Variants in SLC38A1 observed in about 807,000 individuals in gnomAD.
SLC38A1 encodes the protein solute carrier family 38 member 1.
A neutral mutation model predicts 60.3 loss-of-function variants in SLC38A1; 18 were observed. The ratio of observed to expected loss-of-function variants is 0.30; its 90% CI spans 0.21 to 0.44. SLC38A1 has a LOEUF of 0.44. SLC38A1 is among the 20% of genes least tolerant of loss of function. The probability of loss-of-function intolerance (pLI) is 1.00; values close to 1 mark genes in which losing one functional copy is unlikely to be tolerated. For missense variants in SLC38A1, 448 were observed against 587.2 expected (o/e 0.76, Z 2.45); for synonymous variants, 196 against 212.1 (o/e 0.92, Z 0.66).
chr12:46,190,790 T>C (rs1939113985), intron 16 of SLC38A1, among the ~76,000 whole-genome samples: 1 of 152,200 alleles, frequency 6.6e-6, no homozygotes, highest in Non-Finnish European at 1.5e-5. Flanking sequence ...GTTGCTTTTT[T>C]CTTGTAAATT....
At chr12:46,198,959 T>C (rs528504532) in intron 13 of SLC38A1, among the ~76,000 whole-genome samples, 1 of 152,322 alleles carries the variant, frequency 6.6e-6, no homozygotes, top group Non-Finnish European at 1.5e-5. Flanking sequence ...AAGTAATCAC[T>C]GGAAGAAGCT....
At chr12:46,264,241 C>T (rs987220513) in intron 1 of SLC38A1, among the ~76,000 whole-genome samples, 9 of 152,214 alleles carry the variant, frequency 5.9e-5, no homozygotes, top group African/African-American at 1.9e-4. Context: ...ACTTTCTCAG[C>T]TCTGCTCTCA....
intron 3 of SLC38A1, 40 bp downstream of exon 3, chr12:46,239,639 T>A (rs775146996): frequency 5.0e-5 from 80 of 1,610,074 alleles, no homozygotes; most frequent in Non-Finnish European, 6.5e-5. Flanking sequence ...CACGAGCCAT[T>A]TCTTTCACTG....
chr12:46,199,498 T>C (rs1939551176), intron 13 of SLC38A1, among the ~76,000 whole-genome samples: 1 of 151,664 alleles, frequency 6.6e-6, no homozygotes, highest in Admixed American at 6.6e-5. Context: ...TACAGGCATG[T>C]GCCACCATGC....
At chr12:46,234,499 C>G (rs1241513758) in intron 3 of SLC38A1, among the ~76,000 whole-genome samples, 3 of 148,414 alleles carry the variant, frequency 2.0e-5, no homozygotes, top group African/African-American at 7.6e-5. Context: ...CCAGGCCGGA[C>G]TGCAGTGGCG....
At chr12:46,201,812 AT>A (rs1490305752) in intron 12 of SLC38A1, among the ~76,000 whole-genome samples, 5 of 151,152 alleles carry the variant, frequency 3.3e-5, no homozygotes, top group African/African-American at 1.2e-4. Context: ...CAACACTTGT[AT>A]TCAATAAATA....
Position 46,203,026 on chromosome 12 carries a change from A to G in SLC38A1, c.886T>C (p.Tyr296His). ...FVCHPSVLPI[Y>H]SELKDRSQKK... Reference sequence around the variant, plus strand: ...ATTTCTTACTCTTTAAGCTCACTGTAAATTGGCAGGACTGACGGGTGGCAA... The same window carrying G: ...ATTTCTTACTCTTTAAGCTCACTGTGAATTGGCAGGACTGACGGGTGGCAA... The change falls in exon 12 of 17, where the codon TAC becomes CAC. Residue 296 changes from tyrosine (Y) to histidine (H), a missense_variant. By Grantham distance (83) the Tyr-to-His change is moderately conservative (BLOSUM62 2). Coordinates refer to ENST00000398637, the MANE Select transcript of SLC38A1 (RefSeq NM_030674.4). 1.2e-6 allele frequency: 2 copies of G among 1,613,810 alleles called. No homozygotes were observed. Among genetic ancestry groups the G allele is most frequent in the Non-Finnish European group, 1.7e-6 (2 of 1,179,760 alleles).
chr12:46,212,069 C>G (rs1476485091), intron 5 of SLC38A1, among the ~76,000 whole-genome samples: 1 of 152,150 alleles, frequency 6.6e-6, no homozygotes, highest in Non-Finnish European at 1.5e-5. Flanking sequence ...CTAATTGACT[C>G]TAATAGAACC....
Position 46,186,089 on chromosome 12 carries a change from A to G in SLC38A1, c.*2881T>C, listed in dbSNP as rs1157294102. On this transcript the variant is annotated 3_prime_UTR_variant, in exon 17 of 17. Transcript: ENST00000398637. Reference sequence around the variant, plus strand: ...TTCCAGCTGCTCTAGGGGCCTAACCACCATGGATAACCTGGTCTCTAAAGG... The same window carrying G: ...TTCCAGCTGCTCTAGGGGCCTAACCGCCATGGATAACCTGGTCTCTAAAGG... 6.6e-6 allele frequency: 1 copy of G among 152,142 alleles called. No individual in the cohort carries two copies. The highest frequency in any genetic ancestry group is 2.4e-5 in the African/African-American group (1 of 41,426). 9.4% of individuals were successfully genotyped at this position (152,142 alleles called of 1,614,324 possible).
chr12:46,187,009 T>C lies in SLC38A1; in HGVS notation c.*1961A>G, dbSNP rs1592284790. On this transcript the variant is annotated 3_prime_UTR_variant, in exon 17 of 17. Coordinates refer to ENST00000398637, the MANE Select transcript of SLC38A1 (RefSeq NM_030674.4). ...CATTGCTAATATAATATGGAAAACA[T>C]TGCTGAAAAGAACAGAGATGGCCAT... 1 of 152,322 alleles carries C rather than the reference T, an allele frequency of 6.6e-6. No individual in the cohort carries two copies. Among genetic ancestry groups the C allele is most frequent in the African/African-American group, 2.4e-5 (1 of 41,582 alleles). The allele number at this position is 152,322 out of a possible 1,614,324, so 9.4% of individuals were successfully genotyped here. A position where few individuals can be genotyped will look rare whatever the true frequency, so the allele number is the denominator to read the frequency against.
chr12:46,204,674 T>C, intron 9 of SLC38A1, 84 bp from the exon 10 acceptor site: 1 of 1,022,706 alleles, frequency 9.8e-7, no homozygotes, highest in Admixed American at 2.5e-5. Context: ...ACTGTTATTA[T>C]TTCAAAATTC....
At chr12:46,218,327 T>A (rs1039578916) in intron 5 of SLC38A1, among the ~76,000 whole-genome samples, 11 of 152,076 alleles carry the variant, frequency 7.2e-5, no homozygotes, top group Non-Finnish European at 1.6e-4. Context: ...ATTCTAAAGA[T>A]GTTAACTCTT....
intron 5 of SLC38A1, among the ~76,000 whole-genome samples, chr12:46,221,548 C>T (rs1940659356): frequency 6.6e-6 from 1 of 152,158 alleles, no homozygotes; most frequent in Admixed American, 6.5e-5. Flanking sequence ...GATAAATTTG[C>T]AACAATAATG....
At chr12:46,203,499 C>G (rs1396640561) in intron 11 of SLC38A1, among the ~76,000 whole-genome samples, 1 of 152,198 alleles carries the variant, frequency 6.6e-6, no homozygotes, top group Admixed American at 6.5e-5. Context: ...AGCACTCCCA[C>G]CTCTAGTTTA....
At chr12:46,253,639 T>C (rs1941932041) in intron 1 of SLC38A1, among the ~76,000 whole-genome samples, 1 of 152,164 alleles carries the variant, frequency 6.6e-6, no homozygotes, top group South Asian at 2.1e-4. Context: ...TAACCTCCTA[T>C]CTCATTCTGT....
intron 2 of SLC38A1, among the ~76,000 whole-genome samples, chr12:46,242,058 A>G (rs1941466127): frequency 6.6e-6 from 1 of 152,198 alleles, no homozygotes; most frequent in Admixed American, 6.5e-5. Context: ...GAGTGTGTGT[A>G]TGCATATCAC....
rs1307492058 is a variant in SLC38A1 at position 46,185,904 on chromosome 12, C to CA, written c.*3065dup. On this transcript the variant is annotated 3_prime_UTR_variant, in exon 17 of 17. Transcript: ENST00000398637. ...TGGTGGCATCTCTACCCCTACTGTC[C>CA]AGTAGGTGGGATGTGGCTGGGATGG... 6.6e-6 allele frequency: 1 copy of CA among 152,142 alleles called. No individual in the cohort carries two copies. Among genetic ancestry groups the CA allele is most frequent in the African/African-American group, 2.4e-5 (1 of 41,418 alleles). 9.4% of individuals were successfully genotyped at this position (152,142 alleles called of 1,614,324 possible). A position where few individuals can be genotyped will look rare whatever the true frequency, so the allele number is the denominator to read the frequency against.
At chr12:46,262,789 T>C (rs1203704573) in intron 1 of SLC38A1, among the ~76,000 whole-genome samples, 1 of 152,228 alleles carries the variant, frequency 6.6e-6, no homozygotes, top group African/African-American at 2.4e-5. Flanking sequence ...AATAGACTTT[T>C]ATTTGAAAAG....
chr12:46,203,677 C>T (rs1196787690), intron 11 of SLC38A1, among the ~76,000 whole-genome samples: 1 of 152,236 alleles, frequency 6.6e-6, no homozygotes, highest in Non-Finnish European at 1.5e-5. Context: ...GAAACTCTCA[C>T]ACTCAATCTA....
Sources: allele counts gnomAD v4.1 joint callset (sites outside exome capture counted in the v4.1 genomes callset), GRCh38; gene constraint gnomAD v4.1.1; transcripts MANE v1.5; gene names NCBI Gene and HGNC (gene_info 2026-07-23, HGNC 2026-07-21).